LRP1B: variants seen among roughly 807,000 people sequenced by gnomAD.
The protein encoded by LRP1B is LDL receptor related protein 1B, also known as low-density lipoprotein receptor-related protein 1B.
LRP1B carries 217 observed loss-of-function variants against 556.6 expected under a neutral mutation model. The ratio of observed to expected loss-of-function variants is 0.39; its 90% CI spans 0.35 to 0.44. LRP1B has a LOEUF of 0.44. LRP1B is among the 20% of genes least tolerant of loss of function. The probability of loss-of-function intolerance (pLI) is 1.00; values close to 1 mark genes in which losing one functional copy is unlikely to be tolerated. For synonymous variants in LRP1B, 2,047 were observed against 1,865.8 expected (o/e 1.10, Z -2.50); for missense variants, 5,053 against 5,620.8 (o/e 0.90, Z 3.23).
At chr2:140,328,315 G>A (rs1680603102) in intron 79 of LRP1B, among the ~76,000 whole-genome samples, 1 of 151,804 alleles carries the variant, frequency 6.6e-6, no homozygotes, top group South Asian at 2.1e-4. Context: ...TAGTGACACA[G>A]GATAATGGAG....
intron 49 of LRP1B, among the ~76,000 whole-genome samples, chr2:140,524,748 G>T (rs191401030): frequency 6.6e-6 from 1 of 151,930 alleles, no homozygotes; most frequent in Admixed American, 6.6e-5. Flanking sequence ...TAAACATTGA[G>T]TACACAACGA....
At chr2:140,740,406 C>T (rs1406188507) in intron 35 of LRP1B, among the ~76,000 whole-genome samples, 1 of 152,118 alleles carries the variant, frequency 6.6e-6, no homozygotes, top group Non-Finnish European at 1.5e-5. Flanking sequence ...AGTGAAATAA[C>T]TCAGGATTGA....
intron 6 of LRP1B, among the ~76,000 whole-genome samples, chr2:141,200,186 A>G (rs928593576): frequency 2.0e-5 from 3 of 152,198 alleles, no homozygotes; most frequent in African/African-American, 7.2e-5. Flanking sequence ...AATGCTCATC[A>G]CTGGTAGACT....
chr2:141,813,685 T>C (rs1696433848), intron 1 of LRP1B, among the ~76,000 whole-genome samples: 1 of 152,044 alleles, frequency 6.6e-6, no homozygotes, highest in Non-Finnish European at 1.5e-5. Flanking sequence ...GTTCTGCAAG[T>C]GACAGGGAGT....
chr2:140,457,771 A>G, intron 60 of LRP1B, 120 bp from the exon 61 acceptor site: 1 of 782,060 alleles, frequency 1.3e-6, no homozygotes, highest in East Asian at 2.7e-5. Flanking sequence ...AATTGCTGTG[A>G]CAACCTGTCA....
chr2:140,333,679 T>C (rs1680932045), intron 79 of LRP1B, among the ~76,000 whole-genome samples: 1 of 152,078 alleles, frequency 6.6e-6, no homozygotes, highest in African/African-American at 2.4e-5. Context: ...CATTATGTCC[T>C]TTCTGTGGAG....
At chr2:140,641,066 C>T (rs1443721410) in intron 41 of LRP1B, among the ~76,000 whole-genome samples, 1 of 152,120 alleles carries the variant, frequency 6.6e-6, no homozygotes, top group Non-Finnish European at 1.5e-5. Context: ...GGAGTCTTCA[C>T]AATAAAACTC....
At chr2:140,396,903 C>A (rs1684280766) in intron 66 of LRP1B, among the ~76,000 whole-genome samples, 1 of 152,256 alleles carries the variant, frequency 6.6e-6, no homozygotes, top group Non-Finnish European at 1.5e-5. Context: ...CCTTTACATT[C>A]AGCACCTCAT....
intron 3 of LRP1B, among the ~76,000 whole-genome samples, chr2:141,368,409 T>C (rs1689119509): frequency 6.6e-6 from 1 of 152,144 alleles, no homozygotes; most frequent in Non-Finnish European, 1.5e-5. Context: ...ATAAAGAGGG[T>C]AAGCATTTAT....
intron 23 of LRP1B, among the ~76,000 whole-genome samples, chr2:140,900,676 A>T (rs1694078017): frequency 6.6e-6 from 1 of 152,192 alleles, no homozygotes. Flanking sequence ...ACAAGAGAAA[A>T]GTCTGTAACC....
intron 3 of LRP1B, among the ~76,000 whole-genome samples, chr2:141,451,930 C>A (rs1013169272): frequency 6.6e-6 from 1 of 152,114 alleles, no homozygotes; most frequent in African/African-American, 2.4e-5. Flanking sequence ...CTTAGTGACC[C>A]TGTTGGATAT....
At chr2:140,494,158 G>T (rs1301385023) in intron 56 of LRP1B, among the ~76,000 whole-genome samples, 1 of 152,084 alleles carries the variant, frequency 6.6e-6, no homozygotes, top group Non-Finnish European at 1.5e-5. Context: ...ATTTGTATGA[G>T]TTTCTAAGTA....
chr2:140,520,133 G>C (rs1690095779), intron 49 of LRP1B, among the ~76,000 whole-genome samples: 2 of 152,106 alleles, frequency 1.3e-5, no homozygotes, highest in Non-Finnish European at 2.9e-5. Context: ...TATAAATCAT[G>C]CTACTATAAA....
intron 7 of LRP1B, among the ~76,000 whole-genome samples, chr2:141,085,988 T>C (rs1700038940): frequency 6.6e-6 from 1 of 152,136 alleles, no homozygotes; most frequent in South Asian, 2.1e-4. Context: ...GGGTTACATA[T>C]TTGGTGATAC....
At chr2:141,579,870 T>C (rs1686902297) in intron 2 of LRP1B, among the ~76,000 whole-genome samples, 1 of 151,854 alleles carries the variant, frequency 6.6e-6, no homozygotes, top group Non-Finnish European at 1.5e-5. Flanking sequence ...CGGCTAACTT[T>C]TTTGTATTTT....
At chr2:141,734,465 AGAGT>A (rs1693391872) in intron 2 of LRP1B, among the ~76,000 whole-genome samples, 1 of 152,076 alleles carries the variant, frequency 6.6e-6, no homozygotes, top group African/African-American at 2.4e-5. Context: ...ATAGAGAGAG[AGAGT>A]GAGAGAGAGA....
At chr2:141,458,046 G>A (rs1681699435) in intron 3 of LRP1B, among the ~76,000 whole-genome samples, 1 of 152,138 alleles carries the variant, frequency 6.6e-6, no homozygotes, top group Admixed American at 6.5e-5. Context: ...TTTGTAAGTG[G>A]TTTTTGTTTG....
intron 79 of LRP1B, among the ~76,000 whole-genome samples, chr2:140,326,557 A>T (rs1035584372): frequency 2.0e-5 from 3 of 152,096 alleles, no homozygotes; most frequent in Non-Finnish European, 1.5e-5. Context: ...TCTACTAAAA[A>T]TACAAAAATT....
chr2:141,286,671 C>G (rs552070630), intron 3 of LRP1B: 2 of 437,032 alleles, frequency 4.6e-6, no homozygotes, highest in Non-Finnish European at 9.3e-6. Context: ...TTAAAAGATA[C>G]AAGAATATTC....
Sources: allele counts gnomAD v4.1 joint callset (sites outside exome capture counted in the v4.1 genomes callset), GRCh38; gene constraint gnomAD v4.1.1; transcripts MANE v1.5; gene names NCBI Gene and HGNC (gene_info 2026-07-23, HGNC 2026-07-21).